The following THSD7B variants were observed in gnomAD, a reference collection of about 807,000 sequenced individuals.
The protein encoded by THSD7B is thrombospondin type-1 domain-containing protein 7B.
THSD7B carries 138 observed loss-of-function variants against 213.6 expected under a neutral mutation model. The observed-to-expected ratio is 0.65, with a 90% CI of 0.56 to 0.74. THSD7B has a LOEUF of 0.74. Ranked by LOEUF, THSD7B falls within the 30% of genes least tolerant of loss-of-function variation. The probability of loss-of-function intolerance (pLI) is 0.00; values close to 1 mark genes in which losing one functional copy is unlikely to be tolerated. For missense variants in THSD7B, 1,931 were observed against 1,991.5 expected, an observed-to-expected ratio of 0.97 and a Z score of 0.58; for synonymous variants, 742 against 687.0, an observed-to-expected ratio of 1.08 and a Z score of -1.25.
At chr2:137,664,320 A>G (rs1311878441) in intron 26 of THSD7B, among the ~76,000 whole-genome samples, 2 of 152,226 alleles carry the variant, frequency 1.3e-5, no homozygotes, top group African/African-American at 4.8e-5. Flanking sequence ...GGTAAAGAGT[A>G]TCAGTTTCAA....
At chr2:137,346,113 T>C (rs1186527723) in intron 12 of THSD7B, among the ~76,000 whole-genome samples, 4 of 151,608 alleles carry the variant, frequency 2.6e-5, no homozygotes, top group Non-Finnish European at 5.9e-5. Context: ...GCACTTAACA[T>C]AAAATTTACC....
chr2:137,621,138 C>T (rs928991236), intron 20 of THSD7B, among the ~76,000 whole-genome samples: 6 of 152,248 alleles, frequency 3.9e-5, no homozygotes, highest in African/African-American at 7.2e-5. Flanking sequence ...AAAGAGAGGG[C>T]TTTATGCTTC....
In THSD7B at chr2:137,229,546, G is replaced by A. The variant is rs1407717970; in HGVS notation, c.1724-1498G>A. 2.6e-5 allele frequency among the ~76,000 whole-genome samples: 4 copies of A among 152,136 alleles called. No individual in the cohort carries two copies. The East Asian group carries it at 5.8e-4, about 22-fold the overall frequency. On this transcript the variant is annotated intron_variant, in intron 7 of 27. Coordinates refer to ENST00000409968, the MANE Select transcript of THSD7B (RefSeq NM_001316349.2). ...CCTGGCCTCATTTACAAATATGAACGCAGATATTAGCTGTGCACTATCTTC... is the reference window on the plus strand; with the variant it reads ...CCTGGCCTCATTTACAAATATGAACACAGATATTAGCTGTGCACTATCTTC...
chr2:137,195,792 A>G (rs969953544), intron 7 of THSD7B, among the ~76,000 whole-genome samples: 2 of 152,194 alleles, frequency 1.3e-5, no homozygotes, highest in Non-Finnish European at 2.9e-5. Flanking sequence ...GTCAGGCAAG[A>G]ATCATCAACG....
chr2:137,091,975 G>A lies in THSD7B; in HGVS notation c.951-2898G>A, dbSNP rs193298616. Among the ~76,000 whole-genome samples, 3 of 152,128 alleles carry A rather than the reference G, an allele frequency of 2.0e-5. No individual in the cohort carries two copies. In the East Asian group the frequency reaches 5.8e-4, roughly 29 times the overall value. ...CTTGGCAACAGTGACATTACTTTCTGTATTAGATGAGACATTTTCAGGAAA... is the reference window on the plus strand; with the variant it reads ...CTTGGCAACAGTGACATTACTTTCTATATTAGATGAGACATTTTCAGGAAA... On this transcript the variant is annotated intron_variant, in intron 3 of 27. Transcript: ENST00000409968.
intron 17 of THSD7B, among the ~76,000 whole-genome samples, chr2:137,573,535 A>C (rs917602738): frequency 3.9e-5 from 6 of 152,068 alleles, no homozygotes; most frequent in African/African-American, 1.4e-4. Context: ...GAGCAATATA[A>C]TATTGACATG....
intron 12 of THSD7B, among the ~76,000 whole-genome samples, chr2:137,324,407 T>C (rs1008238031): frequency 6.6e-6 from 1 of 152,216 alleles, no homozygotes; most frequent in Admixed American, 6.5e-5. Flanking sequence ...AAAAATGTAG[T>C]CAGCCAATAA....
At chr2:136,843,236 TA>T (rs1435227710) in intron 1 of THSD7B, among the ~76,000 whole-genome samples, 3 of 152,188 alleles carry the variant, frequency 2.0e-5, no homozygotes, top group Non-Finnish European at 4.4e-5. Flanking sequence ...GTCCCATTGT[TA>T]CAGTTATTGG....
At position 136,936,781 on chromosome 2, in the gene THSD7B, T is replaced by C. The variant is rs369559884; in HGVS notation, c.139+54464T>C. On this transcript the variant is annotated intron_variant, in intron 2 of 27. Transcript: ENST00000409968. ...GAATCACCACTAAAGAGCTTACTCA[T>C]GTAACCAAATACCACCTGTTCCTTA... 3.9e-5 allele frequency among the ~76,000 whole-genome samples: 6 copies of C among 152,192 alleles called. No individual in the cohort carries two copies. The East Asian group carries it at 1.2e-3, about 29-fold the overall frequency.
chr2:137,160,092 T>C, intron 5 of THSD7B, 121 bp from the exon 6 acceptor site: 1 of 1,148,138 alleles, frequency 8.7e-7, no homozygotes, highest in Non-Finnish European at 1.2e-6. Context: ...GATGTTTTCT[T>C]TGCATATGTT....
At chr2:137,340,355 A>G (rs182323435) in intron 12 of THSD7B, among the ~76,000 whole-genome samples, 11 of 152,056 alleles carry the variant, frequency 7.2e-5, no homozygotes, top group Admixed American at 6.6e-4. Flanking sequence ...AATTATATAA[A>G]TTGTACAAAG....
intron 2 of THSD7B, among the ~76,000 whole-genome samples, chr2:137,037,806 A>G (rs1686805475): frequency 6.6e-6 from 1 of 152,252 alleles, no homozygotes; most frequent in South Asian, 2.1e-4. Context: ...TGTCCTATAT[A>G]CAGTATGGAG....
chr2:137,314,806 A>T (rs1684040916), intron 12 of THSD7B, among the ~76,000 whole-genome samples: 1 of 152,094 alleles, frequency 6.6e-6, no homozygotes, highest in South Asian at 2.1e-4. Context: ...GTTGCCTCCC[A>T]GTTAGGCTGC....
chr2:137,633,091 T>C (rs1682771215), intron 20 of THSD7B, among the ~76,000 whole-genome samples: 1 of 152,188 alleles, frequency 6.6e-6, no homozygotes, highest in Non-Finnish European at 1.5e-5. Context: ...TCCACTCTGC[T>C]ATACTGGAAA....
intron 15 of THSD7B, among the ~76,000 whole-genome samples, chr2:137,501,163 C>A (rs1241928771): frequency 2.0e-5 from 3 of 152,106 alleles, no homozygotes; most frequent in Admixed American, 2.0e-4. Context: ...AATCATAAAA[C>A]TAAACATTCA....
chr2:137,405,663 C>T lies in THSD7B; in HGVS notation c.2551C>T (p.Leu851Phe), dbSNP rs981919025. Residue 851 changes from leucine to phenylalanine, a missense_variant, in exon 13 of 28, where the codon CTC becomes TTC. Transcript: ENST00000409968. ...CCGGTCAGCAGAAATGATGGAATGC[C>T]TCAAGCAGACAAACGGCATGCCTCT... ...DNRSAEMMEC[L>F]KQTNGMPLLV... The T allele has an allele frequency of 1.2e-5, 19 of 1,612,860 alleles. 1 individual carries two copies. The highest frequency in any genetic ancestry group is 1.4e-5 in the Non-Finnish European group (17 of 1,179,496).
intron 1 of THSD7B, among the ~76,000 whole-genome samples, chr2:136,805,386 G>T (rs1282510900): frequency 6.6e-6 from 1 of 152,140 alleles, no homozygotes. Flanking sequence ...CAGCATTTTT[G>T]CATCCCCACC....
chr2:136,921,085 C>T lies in THSD7B; in HGVS notation c.139+38768C>T, dbSNP rs567779663. 1.5e-3 allele frequency among the ~76,000 whole-genome samples: 231 copies of T among 152,000 alleles called. 1 individual carries two copies. Among genetic ancestry groups the T allele is most frequent in the Non-Finnish European group, 2.4e-3 (164 of 67,936 alleles). On this transcript the variant is annotated intron_variant, in intron 2 of 27. Coordinates refer to ENST00000409968, the MANE Select transcript of THSD7B (RefSeq NM_001316349.2). ...TCTGCACTGCCAACTTGGTAGAAGG[C>T]GGGGCTCTCATCTGCTCCTGGCTCC...
At chr2:137,013,707 AC>A (rs1467556211) in intron 2 of THSD7B, among the ~76,000 whole-genome samples, 1 of 151,544 alleles carries the variant, frequency 6.6e-6, no homozygotes, top group Non-Finnish European at 1.5e-5. Flanking sequence ...CTTCTTTAAA[AC>A]CCATCCTCCA....
Sources: allele counts gnomAD v4.1 joint callset (sites outside exome capture counted in the v4.1 genomes callset), GRCh38; gene constraint gnomAD v4.1.1; transcripts MANE v1.5; gene names NCBI Gene and HGNC (gene_info 2026-07-23, HGNC 2026-07-21).